The following CDKL5 variants were observed in gnomAD, a reference collection of about 807,000 sequenced individuals.
CDKL5 encodes the protein cyclin dependent kinase like 5, also known as cyclin-dependent kinase-like 5.
CDKL5 carries 8 observed loss-of-function variants against 61.7 expected under a neutral mutation model. The ratio of observed to expected loss-of-function variants is 0.13; its 90% confidence interval spans 0.08 to 0.23. CDKL5 has a LOEUF of 0.23. Among genes scored for constraint, CDKL5 ranks in the 10% least tolerant of loss-of-function variants. CDKL5 has a pLI of 1.00. For missense variants in CDKL5, 440 were observed against 734.5 expected (o/e 0.60, Z 4.63); for synonymous variants, 275 against 272.3 (o/e 1.01, Z -0.10).
At chrX:18,470,310 T>C (rs1921038572) in intron 1 of CDKL5, among the ~76,000 whole-genome samples, 1 of 88,157 alleles carries the variant, frequency 1.1e-5, no homozygotes, top group African/African-American at 4.5e-5. Flanking sequence ...CACTCCAGCC[T>C]GGGTGGCTGA....
At chrX:18,520,348 G>A (rs1024934090) in intron 3 of CDKL5, among the ~76,000 whole-genome samples, 2 of 112,151 alleles carry the variant, frequency 1.8e-5, no homozygotes, top group African/African-American at 3.2e-5. Flanking sequence ...ACATGTGACC[G>A]TTTGTGTTTG....
chrX:18,527,690 T>C (rs1923494091), intron 3 of CDKL5, among the ~76,000 whole-genome samples: 1 of 111,664 alleles, frequency 9.0e-6, no homozygotes, highest in Admixed American at 9.5e-5. Flanking sequence ...GTTTTTACTG[T>C]TGATTGTTTT....
chrX:18,506,456 A>G (rs930000989), intron 1 of CDKL5, among the ~76,000 whole-genome samples: 1 of 111,963 alleles, frequency 8.9e-6, no homozygotes, highest in African/African-American at 3.2e-5. Flanking sequence ...TCCAACTCCA[A>G]GCCTTCTCCC....
intron 2 of CDKL5, among the ~76,000 whole-genome samples, chrX:18,508,430 TTA>T (rs1016975034): frequency 3.6e-5 from 4 of 111,985 alleles, no homozygotes; most frequent in African/African-American, 1.3e-4. Context: ...TTCATCGATG[TTA>T]TGTAAAAATT....
At chrX:18,524,571 A>G (rs1406626147) in intron 3 of CDKL5, among the ~76,000 whole-genome samples, 3 of 112,058 alleles carry the variant, frequency 2.7e-5, no homozygotes, top group African/African-American at 9.7e-5. Flanking sequence ...TCATTCTTAC[A>G]ATGGTATGTT....
intron 3 of CDKL5, among the ~76,000 whole-genome samples, chrX:18,536,819 C>G (rs766479100): frequency 9.0e-6 from 1 of 110,932 alleles, no homozygotes; most frequent in South Asian, 3.8e-4. Context: ...CTTTCCTAGA[C>G]TTTTAAACTC....
At chrX:18,432,603 C>CTTT (rs778402912) in intron 1 of CDKL5, among the ~76,000 whole-genome samples, 3 of 89,984 alleles carry the variant, frequency 3.3e-5, no homozygotes, top group African/African-American at 8.1e-5. Flanking sequence ...TAAAAGATGT[C>CTTT]TTTTTTTTTT....
At chrX:18,434,054 C>A (rs868204999) in intron 1 of CDKL5, among the ~76,000 whole-genome samples, 3 of 111,586 alleles carry the variant, frequency 2.7e-5, no homozygotes, top group Non-Finnish European at 3.8e-5. Context: ...CCTTTTCCTG[C>A]CTGCATCATT....
chrX:18,641,367 C>T (rs1358040513), downstream of CDKL5: 1 of 113,264 alleles, frequency 8.8e-6, no homozygotes, highest in Non-Finnish European at 1.8e-5. Context: ...AGCCCAGATC[C>T]GCCTTGAAGG....
At chrX:18,565,899 A>T (rs980349040) in intron 4 of CDKL5, among the ~76,000 whole-genome samples, 4 of 112,110 alleles carry the variant, frequency 3.6e-5, no homozygotes, top group Middle Eastern at 4.6e-3. Flanking sequence ...CAGTAGCTCC[A>T]GGCTATCCCA....
At chrX:18,463,504 A>G (rs768174826) in intron 1 of CDKL5, among the ~76,000 whole-genome samples, 5 of 112,503 alleles carry the variant, frequency 4.4e-5, no homozygotes, top group Non-Finnish European at 9.4e-5. Flanking sequence ...AAATTTTCTC[A>G]GACAAATTGA....
intron 1 of CDKL5, among the ~76,000 whole-genome samples, chrX:18,501,695 C>A (rs775170987): frequency 9.1e-6 from 1 of 110,182 alleles, no homozygotes; most frequent in Non-Finnish European, 1.9e-5. Context: ...ACTACAGGCG[C>A]GCACCACCAT....
At chrX:18,589,584 A>G (rs1342076444) in intron 9 of CDKL5, 2 of 111,642 alleles carry the variant, frequency 1.8e-5, no homozygotes, top group African/African-American at 3.3e-5. Flanking sequence ...TATTGTGAAT[A>G]GTGCCGCAGT....
chrX:18,629,023 G>A lies in CDKL5; in HGVS notation c.*266G>A, dbSNP rs773392624. 1.0e-4 allele frequency: 94 copies of A among 915,003 alleles called. No homozygotes were observed. The African/African-American group carries it at 1.7e-3, about 16-fold the overall frequency. 75.4% of individuals were successfully genotyped at this position (915,003 alleles called of 1,213,427 possible). On this transcript the variant is annotated 3_prime_UTR_variant, in exon 18 of 18. Transcript: ENST00000623535. Reference sequence around the variant, plus strand: ...AGAATAGATAGAGTGTGCCATTGAGGAAGAAGAAATTCTTGCCAGTTTCTC... The same window carrying A: ...AGAATAGATAGAGTGTGCCATTGAGAAAGAAGAAATTCTTGCCAGTTTCTC...
chrX:18,583,958 A>C (rs944775274), intron 7 of CDKL5, among the ~76,000 whole-genome samples: 3 of 111,612 alleles, frequency 2.7e-5, no homozygotes, highest in African/African-American at 9.8e-5. Context: ...ATTTATTGGG[A>C]GAGCTGATTT....
chrX:18,445,283 G>C (rs979098724), intron 1 of CDKL5, among the ~76,000 whole-genome samples: 1 of 110,316 alleles, frequency 9.1e-6, no homozygotes, highest in African/African-American at 3.3e-5. Context: ...TCACCATGTT[G>C]GTCAGGCTGG....
At chrX:18,449,958 C>A (rs943282039) in intron 1 of CDKL5, among the ~76,000 whole-genome samples, 3 of 111,634 alleles carry the variant, frequency 2.7e-5, no homozygotes, top group Non-Finnish European at 5.6e-5. Flanking sequence ...CCACGCGCAG[C>A]TAATTTTTGT....
chrX:18,629,905 G>A lies in CDKL5; in HGVS notation c.*1148G>A, dbSNP rs1927187460. On this transcript the variant is annotated 3_prime_UTR_variant, in exon 18 of 18. Coordinates refer to ENST00000623535, the MANE Select transcript of CDKL5 (RefSeq NM_001323289.2). ...TAGAGCGTAGACCAAAGATTTGCCA[G>A]TGAACATTCCTTGTTGTGAGATCAT... 2 of 753,550 alleles carry A rather than the reference G, an allele frequency of 2.7e-6. No homozygotes were observed. Among genetic ancestry groups the A allele is most frequent in the South Asian group, 1.4e-4 (2 of 14,803 alleles). 62.1% of individuals were successfully genotyped at this position (753,550 alleles called of 1,213,427 possible). A position where few individuals can be genotyped will look rare whatever the true frequency, so the allele number is the denominator to read the frequency against.
intron 1 of CDKL5, among the ~76,000 whole-genome samples, chrX:18,465,939 T>C (rs1482843225): frequency 8.9e-6 from 1 of 112,356 alleles, no homozygotes; most frequent in Non-Finnish European, 1.9e-5. Context: ...TCAGGAATGG[T>C]ATTAAAAATT....
Sources: allele counts gnomAD v4.1 joint callset (sites outside exome capture counted in the v4.1 genomes callset), GRCh38; gene constraint gnomAD v4.1.1; transcripts MANE v1.5; gene names NCBI Gene and HGNC (gene_info 2026-07-23, HGNC 2026-07-21).